The following PCDHGB7 variants were observed in gnomAD, a reference collection of about 807,000 sequenced individuals.
PCDHGB7 encodes the protein protocadherin gamma-B7.
In PCDHGB7, 37 loss-of-function variants were observed where a neutral mutation model predicts 61.4. That is an observed-to-expected ratio of 0.60 (90% CI 0.46 to 0.79). PCDHGB7 has a LOEUF of 0.79. Among genes scored for constraint, PCDHGB7 ranks in the 30% least tolerant of loss-of-function variants. The probability of loss-of-function intolerance (pLI) is 0.00; values close to 1 mark genes in which losing one functional copy is unlikely to be tolerated. For synonymous variants in PCDHGB7, 464 were observed against 503.5 expected, an observed-to-expected ratio of 0.92 and a Z score of 1.05; for missense variants, 1,166 against 1,202.5, an observed-to-expected ratio of 0.97 and a Z score of 0.45.
In PCDHGB7 at chr5:141,489,705, C is replaced by G; in HGVS notation, c.2416-5102C>G. The G allele has an allele frequency of 6.2e-7, 1 of 1,614,022 alleles. No homozygotes were observed. The highest frequency in any genetic ancestry group is 1.1e-5 in the South Asian group (1 of 91,074). ...CATCTGGGGCACGATTCCCACTGGA[C>G]AGTGCCCAGGATCCGGATGTGGGCA... On this transcript the variant is annotated intron_variant, in intron 1 of 3. Coordinates refer to ENST00000398594, the MANE Select transcript of PCDHGB7 (RefSeq NM_018927.4). The surrounding 1 kb of genome is among the most constrained non-coding windows in gnomAD (Gnocchi z 4.5).
Position 141,491,458 on chromosome 5 carries a change from G to C in PCDHGB7, c.2416-3349G>C. 1 of 1,614,092 alleles carries C rather than the reference G, an allele frequency of 6.2e-7. No individual in the cohort carries two copies. The highest frequency in any genetic ancestry group is 8.5e-7 in the Non-Finnish European group (1 of 1,180,022). On this transcript the variant is annotated intron_variant, in intron 1 of 3. Coordinates refer to ENST00000398594, the MANE Select transcript of PCDHGB7 (RefSeq NM_018927.4). The surrounding 1 kb of genome is among the most constrained non-coding windows in gnomAD (Gnocchi z 6.9). Reference sequence around the variant, plus strand: ...CAGGCGCCAGGACTCACCCTCCCCGGACTTCTATAAGCAGTCCAGCCCCAA... The same window carrying C: ...CAGGCGCCAGGACTCACCCTCCCCGCACTTCTATAAGCAGTCCAGCCCCAA...
At chr5:141,427,365 TG>T (rs1391779401) in intron 1 of PCDHGB7, 2 of 457,804 alleles carry the variant, frequency 4.4e-6, no homozygotes, top group Non-Finnish European at 8.8e-6. Flanking sequence ...CGCAGAACCC[TG>T]GACGGTGATC....
chr5:141,477,678 C>A lies in PCDHGB7; in HGVS notation c.2416-17129C>A, dbSNP rs967769574. 1 of 1,614,182 alleles carries A rather than the reference C, an allele frequency of 6.2e-7. No individual in the cohort carries two copies. The highest frequency in any genetic ancestry group is 1.3e-5 in the African/African-American group (1 of 75,054). ...AATCGTGACAATGGCATAGTGTCAT[C>A]CTTAGTGCCCCTAGACTATGAGGAT... is the stretch of plus-strand genomic sequence containing the variant. On this transcript the variant is annotated intron_variant, in intron 1 of 3. Transcript: ENST00000398594. The surrounding 1 kb of genome is among the most constrained non-coding windows in gnomAD (Gnocchi z 4.9).
chr5:141,488,196 TA>T, intron 1 of PCDHGB7, among the ~76,000 whole-genome samples: 1 of 152,186 alleles, frequency 6.6e-6, no homozygotes, highest in Non-Finnish European at 1.5e-5. Context: ...GTCTGGGTCT[TA>T]GGACTCATAT....
intron 2 of PCDHGB7, among the ~76,000 whole-genome samples, chr5:141,501,983 C>G (rs957901405): frequency 6.6e-6 from 1 of 152,068 alleles, no homozygotes; most frequent in Non-Finnish European, 1.5e-5. Flanking sequence ...CATCTGGTCC[C>G]GTTGTCTCCC....
chr5:141,478,711 T>C, intron 1 of PCDHGB7: 3 of 1,547,346 alleles, frequency 1.9e-6, no homozygotes, highest in Non-Finnish European at 1.7e-6. Flanking sequence ...CTTTGTGAGA[T>C]GGTGGCCTGC....
rs1369150914 is a variant in PCDHGB7 at position 141,432,217 on chromosome 5, G to A, written c.2415+11943G>A. The A allele has an allele frequency of 3.1e-6, 5 of 1,614,204 alleles. No individual in the cohort carries two copies. The East Asian group carries it at 6.7e-5, about 22-fold the overall frequency. On this transcript the variant is annotated intron_variant, in intron 1 of 3. Coordinates refer to ENST00000398594, the MANE Select transcript of PCDHGB7 (RefSeq NM_018927.4). The surrounding 1 kb of genome is among the most constrained non-coding windows in gnomAD (Gnocchi z 6.0). ...ACCCCGACTGTGAAGAGAACGCCCAGATCACTTATTCCCTGGCTGAGAACA... is the reference window on the plus strand; with the variant it reads ...ACCCCGACTGTGAAGAGAACGCCCAAATCACTTATTCCCTGGCTGAGAACA...
At position 141,432,646 on chromosome 5, in the gene PCDHGB7, G is replaced by A. The variant is rs780822589; in HGVS notation, c.2415+12372G>A. 9.3e-6 allele frequency: 15 copies of A among 1,613,690 alleles called. No individual in the cohort carries two copies. The highest frequency in any genetic ancestry group is 1.3e-5 in the Non-Finnish European group (15 of 1,179,944). ...TGCACACGGGCGAGGTGCGCACGGCGCGAGCCCTGCTGGACAGAGACGCGC... is the reference window on the plus strand; with the variant it reads ...TGCACACGGGCGAGGTGCGCACGGCACGAGCCCTGCTGGACAGAGACGCGC... On this transcript the variant is annotated intron_variant, in intron 1 of 3. Transcript: ENST00000398594. This position sits in a 1 kb window ranked among gnomAD's most constrained non-coding sequence, Gnocchi z 6.0.
At chr5:141,447,371 C>G (rs1180989888) in intron 1 of PCDHGB7, among the ~76,000 whole-genome samples, 1 of 151,826 alleles carries the variant, frequency 6.6e-6, no homozygotes, top group African/African-American at 2.4e-5. Context: ...ACTCCTGACC[C>G]TGGTGATCTG....
intron 1 of PCDHGB7, chr5:141,471,166 C>T (rs1427053969): frequency 2.0e-5 from 3 of 150,492 alleles, no homozygotes; most frequent in Non-Finnish European, 2.9e-5. Context: ...TCTCCTGGCT[C>T]AGCCTCCCTA....
At chr5:141,426,507 C>G in intron 1 of PCDHGB7, 1 of 342,512 alleles carries the variant, frequency 2.9e-6, no homozygotes, top group Non-Finnish European at 5.8e-6. Context: ...AGAAACAATA[C>G]TTTACCGTGA....
intron 2 of PCDHGB7, among the ~76,000 whole-genome samples, chr5:141,498,394 A>G (rs1043900807): frequency 6.6e-6 from 1 of 152,096 alleles, no homozygotes; most frequent in Non-Finnish European, 1.5e-5. Flanking sequence ...AGGGAATGGC[A>G]GGGAGTTTTC....
intron 1 of PCDHGB7, among the ~76,000 whole-genome samples, chr5:141,437,026 A>G (rs1398960659): frequency 6.6e-6 from 1 of 152,258 alleles, no homozygotes; most frequent in Non-Finnish European, 1.5e-5. Context: ...TCACCAGAAA[A>G]TGGATCACCG....
chr5:141,427,711 A>T, intron 1 of PCDHGB7: 1 of 1,036,498 alleles, frequency 9.6e-7, no homozygotes, highest in Non-Finnish European at 1.5e-6. Context: ...AGCGCCTCTG[A>T]CCTGGACCTA....
chr5:141,508,790 C>T (rs1181979966), intron 3 of PCDHGB7, among the ~76,000 whole-genome samples: 1 of 152,072 alleles, frequency 6.6e-6, no homozygotes, highest in African/African-American at 2.4e-5. Flanking sequence ...CCCTAAATCA[C>T]TCTGGAATCC....
rs73280920 is a variant in PCDHGB7 at position 141,453,809 on chromosome 5, A to G, written c.2415+33535A>G. Among the ~76,000 whole-genome samples, 1,254 of 152,338 alleles carry G rather than the reference A, an allele frequency of 8.2e-3. 17 individuals carry two copies. Among genetic ancestry groups the G allele is most frequent in the African/African-American group, 0.029 (1,191 of 41,572 alleles). On this transcript the variant is annotated intron_variant, in intron 1 of 3. Coordinates refer to ENST00000398594, the MANE Select transcript of PCDHGB7 (RefSeq NM_018927.4). ...GTATATTAACTTTGAGTAGTTCCATAAAGGACAAACTTGGCTGCTAGCCCT... is the reference window on the plus strand; with the variant it reads ...GTATATTAACTTTGAGTAGTTCCATGAAGGACAAACTTGGCTGCTAGCCCT...
In PCDHGB7 at chr5:141,491,736, G is replaced by T; in HGVS notation, c.2416-3071G>T. The T allele has an allele frequency of 6.2e-7, 1 of 1,600,560 alleles. No individual in the cohort carries two copies. Among genetic ancestry groups the T allele is most frequent in the Non-Finnish European group, 8.5e-7 (1 of 1,174,270 alleles). ...CGGCGCCGCCCCGGGCGACCCCTGG[G>T]GGCGGCACTGGAGAAGCCGCCCGTC... On this transcript the variant is annotated intron_variant, in intron 1 of 3. Coordinates refer to ENST00000398594, the MANE Select transcript of PCDHGB7 (RefSeq NM_018927.4). This position sits in a 1 kb window ranked among gnomAD's most constrained non-coding sequence, Gnocchi z 6.9.
In PCDHGB7 at chr5:141,487,608, G is replaced by T; in HGVS notation, c.2416-7199G>T. 1 of 1,614,182 alleles carries T rather than the reference G, an allele frequency of 6.2e-7. No individual in the cohort carries two copies. The highest frequency in any genetic ancestry group is 8.5e-7 in the Non-Finnish European group (1 of 1,180,042). On this transcript the variant is annotated intron_variant, in intron 1 of 3. Coordinates refer to ENST00000398594, the MANE Select transcript of PCDHGB7 (RefSeq NM_018927.4). The surrounding 1 kb of genome is among the most constrained non-coding windows in gnomAD (Gnocchi z 5.0). ...TGCCCACCCTCTGATCTTCTCTATG[G>T]GCTAGAGGTGAGACCTTTGCAGGCT...
intron 1 of PCDHGB7, chr5:141,423,466 G>C (rs770939556): frequency 1.2e-6 from 2 of 1,613,904 alleles, no homozygotes; most frequent in Admixed American, 3.3e-5. Context: ...CGTGGACGGG[G>C]TACAGGCTTT....
Sources: allele counts gnomAD v4.1 joint callset (sites outside exome capture counted in the v4.1 genomes callset), GRCh38; gene constraint gnomAD v4.1.1; non-coding constraint Gnocchi (gnomAD v3.1); transcripts MANE v1.5; gene names NCBI Gene and HGNC (gene_info 2026-07-23, HGNC 2026-07-21).